Variants in CASK observed in about 807,000 individuals in gnomAD.
The protein encoded by CASK is peripheral plasma membrane protein CASK.
CASK carries 4 observed loss-of-function variants against 82.9 expected under a neutral mutation model. That is an observed-to-expected ratio of 0.05 (90% CI 0.02 to 0.11). CASK has a LOEUF of 0.11. Among genes scored for constraint, CASK ranks in the 10% least tolerant of loss-of-function variants. The pLI is 1.00. For synonymous variants in CASK, 259 were observed against 253.5 expected, an observed-to-expected ratio of 1.02 and a Z score of -0.20; for missense variants, 358 against 720.9, an observed-to-expected ratio of 0.50 and a Z score of 5.76.
In CASK at chrX:41,833,729, T is replaced by C. The variant is rs1412471518; in HGVS notation, c.172+19386A>G. Reference sequence around the variant, plus strand: ...CAATCTCTTTTTGAGTTATACACCATGAATTATAATGACTTAATAAAAATT... The same window carrying C: ...CAATCTCTTTTTGAGTTATACACCACGAATTATAATGACTTAATAAAAATT... On this transcript the variant is annotated intron_variant, in intron 2 of 26. Transcript: ENST00000378163. Among the ~76,000 whole-genome samples the C allele has an allele frequency of 2.7e-5, 3 of 111,869 alleles. No individual in the cohort carries two copies. The Admixed American group carries it at 2.8e-4, about 11-fold the overall frequency.
chrX:41,538,088 T>C (rs1482279958), intron 22 of CASK, among the ~76,000 whole-genome samples: 2 of 110,702 alleles, frequency 1.8e-5, no homozygotes, highest in Admixed American at 9.6e-5. Flanking sequence ...TCAAGTGATC[T>C]GCCCACCTCG....
chrX:41,537,154 C>T (rs2064885028), intron 22 of CASK, among the ~76,000 whole-genome samples: 2 of 111,017 alleles, frequency 1.8e-5, no homozygotes, highest in Non-Finnish European at 3.8e-5. Context: ...AGTTAGATGT[C>T]AACCATCAAA....
rs781075433 is a variant in CASK, at chrX:41,605,276, C to T, written c.1155+4628G>A. Among the ~76,000 whole-genome samples, 3 of 111,183 alleles carry T rather than the reference C, an allele frequency of 2.7e-5. No homozygotes were observed. In the South Asian group the frequency reaches 1.1e-3, roughly 42 times the overall value. On this transcript the variant is annotated intron_variant, in intron 12 of 26. Coordinates refer to ENST00000378163, the MANE Select transcript of CASK (RefSeq NM_001367721.1). ...AATTCATGGTCCATAAAACTATGCC[C>T]CCTGGGTGTCCCTACTTGGAATCCT...
In CASK at chrX:41,515,181, C is replaced by T. The variant is rs1300646834; in HGVS notation, c.*5239G>A. 1 of 112,032 alleles carries T rather than the reference C, an allele frequency of 8.9e-6. No homozygotes were observed. Among genetic ancestry groups the T allele is most frequent in the East Asian group, 2.8e-4 (1 of 3,556 alleles). The allele number at this position is 112,032 out of a possible 1,213,427, so 9.2% of individuals were successfully genotyped here. On this transcript the variant is annotated 3_prime_UTR_variant, in exon 27 of 27. Coordinates refer to ENST00000378163, the MANE Select transcript of CASK (RefSeq NM_001367721.1). ...GGGCAAAGGGATCAGGATGGGAGGG[C>T]GTGTGCTAAGGCATGTAAATAGATA... is the stretch of plus-strand genomic sequence containing the variant.
In CASK at chrX:41,553,970, A is replaced by G. The variant is rs1188732881; in HGVS notation, c.1843-55T>C. The G allele has an allele frequency of 3.5e-6, 3 of 869,543 alleles. No individual in the cohort carries two copies. In the African/African-American group the frequency reaches 5.9e-5, roughly 17 times the overall value. The allele number at this position is 869,543 out of a possible 1,213,427, so 71.7% of individuals were successfully genotyped here. ...GCCATAGTGATGTGAAAGAGAAGTT[A>G]GCTCTAATGTCATAACCACACACCA... On this transcript the variant is annotated intron_variant, in intron 20 of 26. Transcript: ENST00000378163.
intron 26 of CASK, chrX:41,523,149 T>C (rs2064662129): frequency 8.9e-6 from 1 of 112,479 alleles, no homozygotes; most frequent in Non-Finnish European, 1.9e-5. Context: ...GTTTCAAACA[T>C]GCTTATGTAT....
intron 14 of CASK, among the ~76,000 whole-genome samples, chrX:41,579,443 C>G (rs914441934): frequency 8.9e-6 from 1 of 111,838 alleles, no homozygotes; most frequent in African/African-American, 3.2e-5. Context: ...ACTGACATCT[C>G]TATTTGTCAG....
chrX:41,608,585 G>A lies in CASK; in HGVS notation c.1155+1319C>T, dbSNP rs896778141. Among the ~76,000 whole-genome samples, 34 of 112,038 alleles carry A rather than the reference G, an allele frequency of 3.0e-4. 1 individual carries two copies. The highest frequency in any genetic ancestry group is 1.1e-3 in the African/African-American group (34 of 30,863). On this transcript the variant is annotated intron_variant, in intron 12 of 26. Coordinates refer to ENST00000378163, the MANE Select transcript of CASK (RefSeq NM_001367721.1). ...AAGACTAACATGTTCAAATACCATCGAAACCACCCAAGAGTTTTCATTGCT... is the reference window on the plus strand; with the variant it reads ...AAGACTAACATGTTCAAATACCATCAAAACCACCCAAGAGTTTTCATTGCT...
intron 24 of CASK, among the ~76,000 whole-genome samples, chrX:41,533,819 T>C (rs1401285777): frequency 9.0e-6 from 1 of 111,376 alleles, no homozygotes; most frequent in East Asian, 2.8e-4. Context: ...CCACTATGCC[T>C]AGCTAATTTT....
chrX:41,755,343 TAACCTA>T (rs978959662), intron 3 of CASK, among the ~76,000 whole-genome samples: 1 of 112,006 alleles, frequency 8.9e-6, no homozygotes, highest in African/African-American at 3.2e-5. Flanking sequence ...TAGATGCAAG[TAACCTA>T]AACAAAAGTT....
At chrX:41,636,313 A>AT (rs2066555183) in intron 9 of CASK, among the ~76,000 whole-genome samples, 2 of 112,317 alleles carry the variant, frequency 1.8e-5, no homozygotes, top group Non-Finnish European at 3.7e-5. Context: ...GGATAATAAT[A>AT]TATCTCTGCT....
intron 8 of CASK, among the ~76,000 whole-genome samples, chrX:41,637,983 C>T (rs1220339694): frequency 9.0e-6 from 1 of 111,236 alleles, no homozygotes; most frequent in African/African-American, 3.3e-5. Flanking sequence ...ACTCTTCTCC[C>T]CACTTTGGTC....
chrX:41,598,134 G>GAAACACACACACACACACACACACAC (rs2065846172), intron 12 of CASK, among the ~76,000 whole-genome samples: 1 of 99,921 alleles, frequency 1.0e-5, no homozygotes, highest in African/African-American at 3.7e-5. Context: ...CTGAGGCCCT[G>GAAACACACACACACACACACACACAC]ACACACACAC....
intron 1 of CASK, among the ~76,000 whole-genome samples, chrX:41,908,779 A>AAAG (rs1173460368): frequency 8.9e-6 from 1 of 112,318 alleles, no homozygotes; most frequent in African/African-American, 3.2e-5. Context: ...GTTCAGAATT[A>AAAG]AAGGAAAGAA....
At chrX:41,855,938 T>A (rs776924312) in intron 1 of CASK, among the ~76,000 whole-genome samples, 12 of 112,560 alleles carry the variant, frequency 1.1e-4, no homozygotes, top group Non-Finnish European at 2.1e-4. Flanking sequence ...TACAGCAGTC[T>A]ATGTTTTTAA....
chrX:41,863,128 T>A (rs1435544136), intron 1 of CASK, among the ~76,000 whole-genome samples: 2 of 112,143 alleles, frequency 1.8e-5, no homozygotes, highest in African/African-American at 6.5e-5. Flanking sequence ...ATTCTTGTTA[T>A]TTATCATAAT....
intron 3 of CASK, among the ~76,000 whole-genome samples, chrX:41,755,898 A>C (rs966039590): frequency 3.6e-5 from 4 of 112,104 alleles, no homozygotes; most frequent in Non-Finnish European, 1.9e-5. Context: ...AATGAAATAA[A>C]TGGAGAGAAA....
intron 2 of CASK, among the ~76,000 whole-genome samples, chrX:41,792,579 T>A (rs991057367): frequency 9.0e-6 from 1 of 111,283 alleles, no homozygotes; most frequent in Non-Finnish European, 1.9e-5. Flanking sequence ...TGTGAGCCAC[T>A]GCACCTAGCT....
chrX:41,814,950 G>T (rs146501718), intron 2 of CASK, among the ~76,000 whole-genome samples: 42 of 111,181 alleles, frequency 3.8e-4, no homozygotes, highest in Non-Finnish European at 7.4e-4. Flanking sequence ...AGTACCAAAT[G>T]AGAGCCTGGC....
Sources: allele counts gnomAD v4.1 joint callset (sites outside exome capture counted in the v4.1 genomes callset), GRCh38; gene constraint gnomAD v4.1.1; transcripts MANE v1.5; gene names NCBI Gene and HGNC (gene_info 2026-07-23, HGNC 2026-07-21).